The following MYRIP variants were observed in gnomAD, a reference collection of about 807,000 sequenced individuals.
MYRIP encodes rab effector MyRIP.
Under a neutral mutation model 98.0 loss-of-function variants are expected in MYRIP, and 49 were observed. The ratio of observed to expected loss-of-function variants is 0.50; its 90% confidence interval spans 0.40 to 0.63. The LOEUF is 0.63. Ranked by LOEUF, MYRIP falls within the 30% of genes least tolerant of loss-of-function variation. The pLI is 0.00. For missense variants in MYRIP, 1,004 were observed against 1,058.2 expected, an observed-to-expected ratio of 0.95 and a Z score of 0.71; for synonymous variants, 404 against 409.5, an observed-to-expected ratio of 0.99 and a Z score of 0.16.
chr3:40,241,325 T>C (rs1309666381), intron 12 of MYRIP, among the ~76,000 whole-genome samples: 1 of 152,192 alleles, frequency 6.6e-6, no homozygotes, highest in African/African-American at 2.4e-5. Flanking sequence ...CAGAGGATGT[T>C]GGTCCTCTTT....
At chr3:40,155,112 G>A (rs929735752) in intron 4 of MYRIP, among the ~76,000 whole-genome samples, 6 of 151,152 alleles carry the variant, frequency 4.0e-5, no homozygotes, top group Non-Finnish European at 8.8e-5. Flanking sequence ...TCTAGCATTA[G>A]GTATATCTCC....
At chr3:40,134,417 C>G (rs936753590) in intron 3 of MYRIP, among the ~76,000 whole-genome samples, 1 of 152,240 alleles carries the variant, frequency 6.6e-6, no homozygotes, top group Non-Finnish European at 1.5e-5. Flanking sequence ...CACCACAGCT[C>G]AAAGAGGCCT....
intron 3 of MYRIP, among the ~76,000 whole-genome samples, chr3:40,046,035 G>A (rs1323355727): frequency 2.0e-5 from 3 of 152,172 alleles, no homozygotes; most frequent in African/African-American, 7.2e-5. Flanking sequence ...GATCAGTTGA[G>A]TGGTGACCAT....
chr3:39,965,514 T>C lies in MYRIP; in HGVS notation c.110+64588T>C, dbSNP rs150275873. Among the ~76,000 whole-genome samples the C allele has an allele frequency of 6.1e-3, 927 of 152,278 alleles. 7 individuals carry two copies. Among genetic ancestry groups the C allele is most frequent in the African/African-American group, 0.021 (883 of 41,568 alleles). ...TCAACTCTTTGATCTTCCTAGTAGA[T>C]ATTTTTATTGGTCAGGGTCAGTTAG... On this transcript the variant is annotated intron_variant, in intron 2 of 16. Coordinates refer to ENST00000302541, the MANE Select transcript of MYRIP (RefSeq NM_015460.4).
intron 2 of MYRIP, among the ~76,000 whole-genome samples, chr3:40,031,939 G>A (rs1947271290): frequency 6.6e-6 from 1 of 151,964 alleles, no homozygotes; most frequent in Non-Finnish European, 1.5e-5. Context: ...CAAAAAACCA[G>A]CTCCTGGATT....
intron 3 of MYRIP, among the ~76,000 whole-genome samples, chr3:40,144,618 C>A (rs1214798419): frequency 2.0e-5 from 3 of 152,176 alleles, no homozygotes; most frequent in Admixed American, 6.5e-5. Flanking sequence ...TTCTCTTCTG[C>A]AGTTGCATTT....
chr3:39,994,463 A>G (rs1946279636), intron 2 of MYRIP, among the ~76,000 whole-genome samples: 1 of 152,228 alleles, frequency 6.6e-6, no homozygotes, highest in Non-Finnish European at 1.5e-5. Context: ...TCTGAGATCA[A>G]ACTGCAAGGC....
chr3:40,112,250 G>A (rs1949173097), intron 3 of MYRIP, among the ~76,000 whole-genome samples: 1 of 151,394 alleles, frequency 6.6e-6, no homozygotes, highest in South Asian at 2.1e-4. Flanking sequence ...TCATGAGGGG[G>A]TGGAGGCGGG....
chr3:40,207,226 G>A (rs1951811872), intron 10 of MYRIP, among the ~76,000 whole-genome samples: 1 of 152,144 alleles, frequency 6.6e-6, no homozygotes, highest in South Asian at 2.1e-4. Context: ...AACTATGCAA[G>A]CAGCTTCATG....
At chr3:40,197,054 C>T (rs766829114) in intron 10 of MYRIP, among the ~76,000 whole-genome samples, 1 of 152,240 alleles carries the variant, frequency 6.6e-6, no homozygotes, top group African/African-American at 2.4e-5. Context: ...GGGTCCCCAG[C>T]CTTTTTGGCA....
intron 2 of MYRIP, among the ~76,000 whole-genome samples, chr3:39,958,875 A>G (rs1945245273): frequency 6.6e-6 from 1 of 152,182 alleles, no homozygotes; most frequent in South Asian, 2.1e-4. Flanking sequence ...GTATATGAAC[A>G]AGACACTTCT....
intron 3 of MYRIP, among the ~76,000 whole-genome samples, chr3:40,062,889 A>G (rs979176670): frequency 6.6e-6 from 1 of 152,218 alleles, no homozygotes; most frequent in African/African-American, 2.4e-5. Flanking sequence ...ATACACCAAG[A>G]TGTAGCAAGT....
intron 2 of MYRIP, among the ~76,000 whole-genome samples, chr3:39,960,780 G>A (rs1945303711): frequency 6.6e-6 from 1 of 152,154 alleles, no homozygotes; most frequent in Non-Finnish European, 1.5e-5. Flanking sequence ...AGAGGCAGAT[G>A]TTTCCTTAAA....
chr3:39,911,243 T>G (rs1944014725), intron 2 of MYRIP, among the ~76,000 whole-genome samples: 1 of 152,112 alleles, frequency 6.6e-6, no homozygotes, highest in African/African-American at 2.4e-5. Flanking sequence ...GGTCTGCCTT[T>G]AGAAATGGTC....
rs376654853 is a variant in MYRIP at position 40,212,428 on chromosome 3, T to C, written c.1905+2335T>C. 3.4e-4 allele frequency among the ~76,000 whole-genome samples: 52 copies of C among 151,930 alleles called. No homozygotes were observed. The South Asian group carries it at 0.01, about 30-fold the overall frequency. On this transcript the variant is annotated intron_variant, in intron 11 of 16. Coordinates refer to ENST00000302541, the MANE Select transcript of MYRIP (RefSeq NM_015460.4). ...TATAGGGTTAAGTATTGAATATTAT[T>C]TAAAAACAGAAAAGTTTTGAGATAT...
intron 2 of MYRIP, among the ~76,000 whole-genome samples, chr3:40,034,736 G>T (rs1460676152): frequency 6.6e-6 from 1 of 151,720 alleles, no homozygotes; most frequent in South Asian, 2.1e-4. Context: ...TATACCCAGA[G>T]GATTATAAAT....
chr3:40,033,695 T>G (rs1947312219), intron 2 of MYRIP, among the ~76,000 whole-genome samples: 1 of 152,198 alleles, frequency 6.6e-6, no homozygotes, highest in Non-Finnish European at 1.5e-5. Flanking sequence ...ACCAATGACT[T>G]TCTTCACAGA....
intron 1 of MYRIP, among the ~76,000 whole-genome samples, chr3:39,868,259 G>A (rs1195174527): frequency 1.3e-5 from 2 of 152,172 alleles, no homozygotes; most frequent in East Asian, 3.9e-4. Flanking sequence ...GGTAGTTCTT[G>A]TGCTAGGAGC....
chr3:40,109,576 G>T (rs1949118300), intron 3 of MYRIP, among the ~76,000 whole-genome samples: 1 of 152,190 alleles, frequency 6.6e-6, no homozygotes, highest in African/African-American at 2.4e-5. Context: ...CTTGGGGCCA[G>T]GAGTTTCAGA....
Sources: allele counts gnomAD v4.1 joint callset (sites outside exome capture counted in the v4.1 genomes callset), GRCh38; gene constraint gnomAD v4.1.1; transcripts MANE v1.5; gene names NCBI Gene and HGNC (gene_info 2026-07-23, HGNC 2026-07-21).